RAB3IL1: variants seen among roughly 807,000 people sequenced by gnomAD.
RAB3IL1 encodes RAB3A interacting protein like 1, also known as guanine nucleotide exchange factor for Rab-3A.
A neutral mutation model predicts 49.2 loss-of-function variants in RAB3IL1; 37 were observed. The observed-to-expected ratio is 0.75, with a 90% CI of 0.58 to 0.99. RAB3IL1 has a LOEUF of 0.99. Ranked by LOEUF, RAB3IL1 falls within the 50% of genes least tolerant of loss-of-function variation. RAB3IL1 has a pLI of 0.00. For synonymous variants in RAB3IL1, 193 were observed against 213.9 expected (o/e 0.90, Z 0.85); for missense variants, 484 against 513.0 (o/e 0.94, Z 0.55).
intron 9 of RAB3IL1, 89 bp downstream of exon 9, chr11:61,899,225 C>T (rs895373566): frequency 1.4e-6 from 2 of 1,395,218 alleles, no homozygotes; most frequent in African/African-American, 1.4e-5. Flanking sequence ...GTCTTGCCTC[C>T]ACTAGGGGCA....
chr11:61,932,301 T>G, the RAB3IL1 span, among the ~76,000 whole-genome samples: 1 of 151,950 alleles, frequency 6.6e-6, no homozygotes, highest in African/African-American at 2.4e-5. Flanking sequence ...AATAAATAAT[T>G]CAAGATTATT....
At chr11:61,935,857 C>T in the RAB3IL1 span, among the ~76,000 whole-genome samples, 3 of 151,436 alleles carry the variant, frequency 2.0e-5, no homozygotes, top group Non-Finnish European at 4.4e-5. Flanking sequence ...TAAAGGAAAC[C>T]ATGAGAACTA....
intron 1 of RAB3IL1, among the ~76,000 whole-genome samples, chr11:61,911,891 C>A (rs940877978): frequency 6.6e-6 from 1 of 152,142 alleles, no homozygotes; most frequent in East Asian, 1.9e-4. Flanking sequence ...CCTCACCCCA[C>A]CAGGCCCACC....
chr11:61,905,504 G>A lies in RAB3IL1; in HGVS notation c.658-622C>T, dbSNP rs1939138890. 2.0e-5 allele frequency among the ~76,000 whole-genome samples: 3 copies of A among 152,228 alleles called. No individual in the cohort carries two copies. The South Asian group carries it at 6.2e-4, about 31-fold the overall frequency. Reference sequence around the variant, plus strand: ...GAACCGCCTTGCTGGGGACCACGCAGAGGAGCAGGGAGAGCAGCGGGGCCA... The same window carrying A: ...GAACCGCCTTGCTGGGGACCACGCAAAGGAGCAGGGAGAGCAGCGGGGCCA... On this transcript the variant is annotated intron_variant, in intron 5 of 9. Coordinates refer to ENST00000394836, the MANE Select transcript of RAB3IL1 (RefSeq NM_013401.4).
Position 61,902,558 on chromosome 11 carries a change from T to C in RAB3IL1, c.900-17A>G. 1.3e-6 allele frequency: 2 copies of C among 1,584,484 alleles called. No homozygotes were observed. Among genetic ancestry groups the C allele is most frequent in the Non-Finnish European group, 1.7e-6 (2 of 1,166,626 alleles). On this transcript the variant is annotated splice_polypyrimidine_tract_variant and intron_variant, in intron 7 of 9. Coordinates refer to ENST00000394836, the MANE Select transcript of RAB3IL1 (RefSeq NM_013401.4). Reference sequence around the variant, plus strand: ...GCACATGTGCTAGGGGAAAGCAAAATGGGTCACGGGGGCTGGCTGGGGCTT... The same window carrying C: ...GCACATGTGCTAGGGGAAAGCAAAACGGGTCACGGGGGCTGGCTGGGGCTT...
At chr11:61,923,889 A>C (rs1457904790), upstream of RAB3IL1, among the ~76,000 whole-genome samples, 1 of 152,160 alleles carries the variant, frequency 6.6e-6, no homozygotes, top group Non-Finnish European at 1.5e-5. Flanking sequence ...GCGACTCAGG[A>C]GGTCAAACTT....
chr11:61,905,720 G>A (rs931825272), intron 5 of RAB3IL1, among the ~76,000 whole-genome samples: 1 of 152,174 alleles, frequency 6.6e-6, no homozygotes, highest in African/African-American at 2.4e-5. Context: ...GAGTCGAGTG[G>A]GCTGGCGCCA....
At chr11:61,912,252 C>A (rs937570230) in intron 1 of RAB3IL1, among the ~76,000 whole-genome samples, 2 of 152,210 alleles carry the variant, frequency 1.3e-5, no homozygotes, top group African/African-American at 4.8e-5. Context: ...CAGGGCCTGG[C>A]TCCCCGGGGC....
At chr11:61,901,316 T>C (rs940283367) in intron 8 of RAB3IL1, among the ~76,000 whole-genome samples, 1 of 152,100 alleles carries the variant, frequency 6.6e-6, no homozygotes, top group Non-Finnish European at 1.5e-5. Context: ...AATCCCCAGC[T>C]TGGTGAGAAC....
Position 61,904,752 on chromosome 11 carries a change from A to T in RAB3IL1, c.786+2T>A. ...GCTGGCCCCGCCCCTGCCATGCCTC[A>T]CCTCCTGCATTGTGAAGTCCAGGCA... On this transcript the variant is annotated splice_donor_variant, in intron 6 of 9. Coordinates refer to ENST00000394836, the MANE Select transcript of RAB3IL1 (RefSeq NM_013401.4). LOFTEE classifies it high-confidence loss of function. 1 of 1,600,554 alleles carries T rather than the reference A, an allele frequency of 6.2e-7. No individual in the cohort carries two copies.
At chr11:61,936,346 C>T in the RAB3IL1 span, among the ~76,000 whole-genome samples, 1 of 152,156 alleles carries the variant, frequency 6.6e-6, no homozygotes, top group Non-Finnish European at 1.5e-5. Flanking sequence ...GAGATCAAAA[C>T]CAAGATACAT....
upstream of RAB3IL1, among the ~76,000 whole-genome samples, chr11:61,922,334 C>T (rs539913877): frequency 2.6e-4 from 40 of 151,762 alleles, no homozygotes; most frequent in African/African-American, 8.9e-4. Context: ...ACCAGCCTGA[C>T]CAACATGGAG....
rs529553059 is a variant in RAB3IL1 at position 61,899,375 on chromosome 11, G to A, written c.1005C>T (p.Thr335=). The A allele has an allele frequency of 3.1e-6, 5 of 1,608,942 alleles. No individual in the cohort carries two copies. Among genetic ancestry groups the A allele is most frequent in the Admixed American group, 3.3e-5 (2 of 59,916 alleles). ...YISPSSRARI[T]AVCNFFTYIR... ...TGTAGGTGAAGAAGTTGCACACTGC[G>A]GTGATCTGTGGGCAGAGGTGGGGAC... Residue 335 remains threonine, a synonymous_variant, in exon 9 of 10, where the codon ACC becomes ACT. Coordinates refer to ENST00000394836, the MANE Select transcript of RAB3IL1 (RefSeq NM_013401.4).
chr11:61,912,257 C>T (rs1404512843), intron 1 of RAB3IL1, among the ~76,000 whole-genome samples: 10 of 152,194 alleles, frequency 6.6e-5, no homozygotes, highest in South Asian at 2.1e-4. Context: ...CCTGGCTCCC[C>T]GGGGCGGTGC....
chr11:61,917,403 G>C lies in RAB3IL1; in HGVS notation c.-36C>G. The C allele has an allele frequency of 8.2e-7, 1 of 1,223,010 alleles. No homozygotes were observed. Among genetic ancestry groups the C allele is most frequent in the Non-Finnish European group, 1.0e-6 (1 of 984,160 alleles). The allele number at this position is 1,223,010 out of a possible 1,614,324, so 75.8% of individuals were successfully genotyped here. The stretch of plus-strand genomic sequence containing the variant: ...CGGGGCGCCCAGGCGTCCGTTCCCA[G>C]CGCCGCCGCGTCCTCCCAGCGCCGC... On this transcript the variant is annotated 5_prime_UTR_variant, in exon 1 of 10. Coordinates refer to ENST00000394836, the MANE Select transcript of RAB3IL1 (RefSeq NM_013401.4).
At chr11:61,919,889 T>TG (rs750092335), upstream of RAB3IL1, among the ~76,000 whole-genome samples, 4 of 152,218 alleles carry the variant, frequency 2.6e-5, no homozygotes, top group Non-Finnish European at 5.9e-5. Context: ...TTGCCCTCTC[T>TG]GAGCTTCAGT....
At chr11:61,920,970 T>C (rs1447292799), upstream of RAB3IL1, among the ~76,000 whole-genome samples, 1 of 152,174 alleles carries the variant, frequency 6.6e-6, no homozygotes, top group Non-Finnish European at 1.5e-5. Flanking sequence ...TTATTTTTTT[T>C]CTTTATTTTT....
the RAB3IL1 span, among the ~76,000 whole-genome samples, chr11:61,928,170 A>AC: frequency 6.6e-6 from 1 of 152,064 alleles, no homozygotes. Context: ...CAGAAAAAAA[A>AC]AAAAAAATTC....
chr11:61,925,501 G>A, the RAB3IL1 span, among the ~76,000 whole-genome samples: 1 of 152,092 alleles, frequency 6.6e-6, no homozygotes, highest in Non-Finnish European at 1.5e-5. Context: ...CAGGCATGGT[G>A]GCACACACAT....
Sources: allele counts gnomAD v4.1 joint callset (sites outside exome capture counted in the v4.1 genomes callset), GRCh38; gene constraint gnomAD v4.1.1; transcripts MANE v1.5; gene names NCBI Gene and HGNC (gene_info 2026-07-23, HGNC 2026-07-21).